Variants in SOX5 observed in about 807,000 individuals in gnomAD.
SOX5 encodes transcription factor SOX-5.
Under a neutral mutation model 92.0 loss-of-function variants are expected in SOX5, and 9 were observed. The ratio of observed to expected loss-of-function variants is 0.10; its 90% CI spans 0.06 to 0.17. The LOEUF (loss-of-function observed/expected upper bound fraction) is 0.17. Ranked by LOEUF, SOX5 falls within the 10% of genes least tolerant of loss-of-function variation. SOX5 has a pLI of 1.00. For missense variants in SOX5, 642 were observed against 944.5 expected (o/e 0.68, Z 4.20); for synonymous variants, 344 against 336.3 (o/e 1.02, Z -0.25).
At chr12:23,749,709 AT>A (rs1443637611) in intron 4 of SOX5, among the ~76,000 whole-genome samples, 2 of 151,958 alleles carry the variant, frequency 1.3e-5, no homozygotes, top group African/African-American at 2.4e-5. Flanking sequence ...GGAGACTGTA[AT>A]TTTAGGAACT....
At chr12:23,816,847 A>G (rs566165930) in intron 3 of SOX5, among the ~76,000 whole-genome samples, 2 of 152,266 alleles carry the variant, frequency 1.3e-5, no homozygotes, top group East Asian at 3.9e-4. Flanking sequence ...AACATATAGG[A>G]TGGCACAAAT....
At chr12:23,640,586 A>G (rs2079924321) in intron 8 of SOX5, among the ~76,000 whole-genome samples, 1 of 152,186 alleles carries the variant, frequency 6.6e-6, no homozygotes, top group Non-Finnish European at 1.5e-5. Flanking sequence ...TCTTAATAAT[A>G]CCGGCAAGAA....
At chr12:24,394,159 C>T (rs1473055223) in intron 1 of SOX5, among the ~76,000 whole-genome samples, 1 of 152,126 alleles carries the variant, frequency 6.6e-6, no homozygotes, top group Non-Finnish European at 1.5e-5. Flanking sequence ...GCCTGCATTT[C>T]TCTTGGGCTA....
At chr12:23,580,234 C>T (rs1283866775) in intron 9 of SOX5, among the ~76,000 whole-genome samples, 3 of 151,928 alleles carry the variant, frequency 2.0e-5, no homozygotes, top group African/African-American at 7.2e-5. Context: ...GGTTTTTGGA[C>T]TCAACATACA....
intron 1 of SOX5, among the ~76,000 whole-genome samples, chr12:23,912,393 T>G (rs971330871): frequency 1.3e-5 from 2 of 152,196 alleles, no homozygotes; most frequent in South Asian, 2.1e-4. Context: ...CATCAAAGAT[T>G]GCTGTTAGGA....
At chr12:24,042,170 A>G (rs980092708) in intron 4 of SOX5, among the ~76,000 whole-genome samples, 1 of 152,154 alleles carries the variant, frequency 6.6e-6, no homozygotes, top group African/African-American at 2.4e-5. Flanking sequence ...TAACATTTTT[A>G]TTATAAAAAT....
intron 6 of SOX5, among the ~76,000 whole-genome samples, chr12:23,715,619 C>T (rs2092431324): frequency 6.6e-6 from 1 of 151,970 alleles, no homozygotes; most frequent in Admixed American, 6.6e-5. Context: ...TAGTAGTTAT[C>T]CACTAAATAC....
intron 4 of SOX5, among the ~76,000 whole-genome samples, chr12:24,114,052 T>A (rs76971952): frequency 1.3e-5 from 2 of 152,206 alleles, no homozygotes; most frequent in Admixed American, 6.5e-5. Context: ...GAATTTAGAA[T>A]TATGGCTAGC....
At chr12:24,233,773 T>C (rs1473010767) in intron 3 of SOX5, among the ~76,000 whole-genome samples, 6 of 152,230 alleles carry the variant, frequency 3.9e-5, no homozygotes, top group Non-Finnish European at 7.3e-5. Context: ...AAGACCTATG[T>C]GCATATTTGG....
intron 1 of SOX5, among the ~76,000 whole-genome samples, chr12:24,504,930 A>G (rs188006293): frequency 7.3e-4 from 111 of 152,306 alleles, no homozygotes; most frequent in African/African-American, 2.6e-3. Context: ...GAGGAAAAAA[A>G]ATACCATATC....
chr12:24,151,711 G>A (rs554162453), intron 4 of SOX5, among the ~76,000 whole-genome samples: 1 of 152,156 alleles, frequency 6.6e-6, no homozygotes, highest in South Asian at 2.1e-4. Flanking sequence ...AATATACTCT[G>A]CAGTTACTGC....
chr12:23,989,649 A>G (rs548172389), intron 4 of SOX5, among the ~76,000 whole-genome samples: 1 of 152,238 alleles, frequency 6.6e-6, no homozygotes, highest in East Asian at 1.9e-4. Flanking sequence ...TGGAGCCCTC[A>G]TGAATGAGAT....
At chr12:24,145,316 T>C (rs1950969505) in intron 4 of SOX5, among the ~76,000 whole-genome samples, 1 of 152,118 alleles carries the variant, frequency 6.6e-6, no homozygotes, top group South Asian at 2.1e-4. Context: ...AAATGCAAGA[T>C]GGTAGATTTA....
chr12:23,883,849 A>T (rs1383122097), intron 2 of SOX5, among the ~76,000 whole-genome samples: 1 of 152,228 alleles, frequency 6.6e-6, no homozygotes, highest in Admixed American at 6.5e-5. Context: ...CAAATAAATA[A>T]TATTTTTAAT....
intron 3 of SOX5, among the ~76,000 whole-genome samples, chr12:24,247,025 G>T (rs1383483886): frequency 6.6e-6 from 1 of 152,160 alleles, no homozygotes; most frequent in Non-Finnish European, 1.5e-5. Flanking sequence ...AAGCAAGCCT[G>T]TTTCTTAAGA....
chr12:24,051,671 A>AG lies in SOX5; in HGVS notation c.-1-155648dup, dbSNP rs1957576102. 5.9e-5 allele frequency among the ~76,000 whole-genome samples: 9 copies of AG among 152,228 alleles called. No homozygotes were observed. In the South Asian group the frequency reaches 1.9e-3, roughly 31 times the overall value. On this transcript the variant is annotated intron_variant, in intron 4 of 4. Transcript: ENST00000446891. ...CCAGGTTTGTTTAGTATAAGTTAGGAGGAGAAGAAAACTGCCTTCTAAGGG... is the reference window on the plus strand; with the variant it reads ...CCAGGTTTGTTTAGTATAAGTTAGGAGGGAGAAGAAAACTGCCTTCTAAGGG...
rs114940189 is a variant in SOX5, at chr12:24,187,817, C to T, written c.-2+25526G>A. Among the ~76,000 whole-genome samples the T allele has an allele frequency of 1.9e-3, 293 of 152,260 alleles. 5 individuals are homozygous for T. Among genetic ancestry groups the T allele is most frequent in the African/African-American group, 6.5e-3 (272 of 41,556 alleles). ...CTCAGTCATTCGTCCAAAATTCAAT[C>T]TCATAGAATATGGGAAGCTACTCCT... On this transcript the variant is annotated intron_variant, in intron 4 of 4. Coordinates refer to the SOX5 transcript ENST00000446891.
intron 2 of SOX5, among the ~76,000 whole-genome samples, chr12:24,364,190 T>C (rs1251937561): frequency 6.6e-6 from 1 of 152,124 alleles, no homozygotes; most frequent in African/African-American, 2.4e-5. Flanking sequence ...AGAGGGGCAA[T>C]TGTCTTTACT....
In SOX5 at chr12:24,534,529, T is replaced by C. The variant is rs145468369; in HGVS notation, c.-251+27800A>G. Among the ~76,000 whole-genome samples the C allele has an allele frequency of 1.2e-3, 178 of 152,330 alleles. 3 individuals are homozygous for C. The East Asian group carries it at 0.026, about 22-fold the overall frequency. On this transcript the variant is annotated intron_variant, in intron 1 of 4. Transcript: ENST00000446891. ...AGTACATTACTTACAGCACATTTTT[T>C]AAAAAATCAATGTTTTTTCCAATAG...
Sources: allele counts gnomAD v4.1 joint callset (sites outside exome capture counted in the v4.1 genomes callset), GRCh38; gene constraint gnomAD v4.1.1; transcripts MANE v1.5; gene names NCBI Gene and HGNC (gene_info 2026-07-23, HGNC 2026-07-21).